Variants in TBC1D5 observed in about 807,000 individuals in gnomAD.
TBC1D5 encodes the protein TBC1 domain family, member 5.
Under a neutral mutation model 100.3 loss-of-function variants are expected in TBC1D5, and 75 were observed. The ratio of observed to expected loss-of-function variants is 0.75; its 90% CI spans 0.62 to 0.91. The LOEUF is 0.91. TBC1D5 is among the 40% of genes least tolerant of loss of function. The pLI, the probability that TBC1D5 is intolerant of heterozygous loss-of-function variation, is 0.00. For missense variants in TBC1D5, 910 were observed against 942.4 expected, an observed-to-expected ratio of 0.97 and a Z score of 0.45; for synonymous variants, 323 against 325.6, an observed-to-expected ratio of 0.99 and a Z score of 0.09.
intron 13 of TBC1D5, among the ~76,000 whole-genome samples, chr3:17,309,505 A>G (rs898989510): frequency 2.0e-5 from 3 of 152,032 alleles, no homozygotes; most frequent in Admixed American, 2.0e-4. Flanking sequence ...TTCAATTTTT[A>G]AAAATGTTAC....
In TBC1D5 at chr3:17,281,061, A is replaced by G. The variant is rs150827892; in HGVS notation, c.1245+10834T>C. 3.6e-3 allele frequency among the ~76,000 whole-genome samples: 554 copies of G among 152,314 alleles called. 1 individual carries two copies. The highest frequency in any genetic ancestry group is 6.3e-3 in the Non-Finnish European group (430 of 68,016). On this transcript the variant is annotated intron_variant, in intron 15 of 21. Transcript: ENST00000253692. ...AGTGGAGTTTGCCTCTGCCGGTGCC[A>G]AAGCAGCCAGCTAGCTCCAGAGAGG...
At chr3:17,599,241 G>A (rs151163173) in intron 2 of TBC1D5, among the ~76,000 whole-genome samples, 11 of 152,004 alleles carry the variant, frequency 7.2e-5, no homozygotes, top group East Asian at 3.9e-4. Context: ...CTGTTTCCCC[G>A]CCCAAATGTT....
intron 1 of TBC1D5, among the ~76,000 whole-genome samples, chr3:17,698,495 T>C (rs1490284610): frequency 6.6e-6 from 1 of 152,100 alleles, no homozygotes; most frequent in Non-Finnish European, 1.5e-5. Context: ...AAGGACTTCA[T>C]GTCTAAAACA....
At chr3:17,475,062 C>A (rs1324327707) in intron 3 of TBC1D5, among the ~76,000 whole-genome samples, 1 of 152,054 alleles carries the variant, frequency 6.6e-6, no homozygotes, top group Non-Finnish European at 1.5e-5. Flanking sequence ...GTCCTTTGGT[C>A]ATTTTTCAAT....
chr3:17,299,086 A>G (rs1009008675), intron 14 of TBC1D5, among the ~76,000 whole-genome samples: 2 of 152,264 alleles, frequency 1.3e-5, no homozygotes, highest in African/African-American at 4.8e-5. Context: ...AAAATATGCC[A>G]GCATCGCTAC....
chr3:17,594,838 G>A (rs1377166826), intron 2 of TBC1D5, among the ~76,000 whole-genome samples: 2 of 151,664 alleles, frequency 1.3e-5, no homozygotes, highest in African/African-American at 2.4e-5. Context: ...AATTGACAAG[G>A]GGTGGACGTG....
At chr3:17,272,589 T>C (rs539408096) in intron 15 of TBC1D5, among the ~76,000 whole-genome samples, 13 of 152,282 alleles carry the variant, frequency 8.5e-5, no homozygotes, top group African/African-American at 3.1e-4. Context: ...TCATTACCAT[T>C]TTATAGGTAA....
chr3:17,674,215 A>G (rs1374457205), intron 1 of TBC1D5, among the ~76,000 whole-genome samples: 5 of 152,262 alleles, frequency 3.3e-5, no homozygotes. Context: ...CCTGCAGCCA[A>G]ATTTCTTTTA....
intron 5 of TBC1D5, among the ~76,000 whole-genome samples, chr3:17,406,134 G>T (rs1357959006): frequency 2.0e-5 from 3 of 152,096 alleles, no homozygotes; most frequent in East Asian, 3.8e-4. Flanking sequence ...TTCTGCAAGA[G>T]CCTCTGGGGA....
At chr3:17,364,645 G>T (rs2091983043) in intron 13 of TBC1D5, among the ~76,000 whole-genome samples, 1 of 152,144 alleles carries the variant, frequency 6.6e-6, no homozygotes, top group South Asian at 2.1e-4. Context: ...TATAAAGCCA[G>T]TCAATAATTT....
intron 4 of TBC1D5, among the ~76,000 whole-genome samples, chr3:17,409,343 A>G (rs992005486): frequency 6.6e-6 from 1 of 152,164 alleles, no homozygotes; most frequent in African/African-American, 2.4e-5. Context: ...ACTTACTGAT[A>G]AATGTTGTAT....
At chr3:17,407,052 T>TAGAAA (rs1242947298) in intron 4 of TBC1D5, among the ~76,000 whole-genome samples, 2 of 152,116 alleles carry the variant, frequency 1.3e-5, no homozygotes, top group Non-Finnish European at 2.9e-5. Context: ...ACATGATCAG[T>TAGAAA]TTTAAAATTT....
intron 1 of TBC1D5, among the ~76,000 whole-genome samples, chr3:17,635,703 A>G (rs570604167): frequency 7.2e-5 from 11 of 152,288 alleles, no homozygotes; most frequent in Non-Finnish European, 1.0e-4. Flanking sequence ...GAGTGTTGAC[A>G]CTATCCTAAT....
At chr3:17,696,038 T>C (rs2072009957) in intron 1 of TBC1D5, among the ~76,000 whole-genome samples, 1 of 152,194 alleles carries the variant, frequency 6.6e-6, no homozygotes, top group African/African-American at 2.4e-5. Context: ...ATAAAGATGT[T>C]CTTTGAAACC....
chr3:17,477,667 C>G (rs1023622090), intron 3 of TBC1D5, among the ~76,000 whole-genome samples: 9 of 151,956 alleles, frequency 5.9e-5, no homozygotes, highest in African/African-American at 2.2e-4. Context: ...TTCATACATA[C>G]TTAATGGCTA....
At chr3:17,483,337 G>A (rs1221389826) in intron 3 of TBC1D5, among the ~76,000 whole-genome samples, 7 of 151,716 alleles carry the variant, frequency 4.6e-5, no homozygotes, top group Non-Finnish European at 4.4e-5. Context: ...GTTCCTAGTA[G>A]ACTAAATTTC....
intron 2 of TBC1D5, among the ~76,000 whole-genome samples, chr3:17,517,271 A>C (rs988653596): frequency 7.9e-5 from 12 of 152,178 alleles, no homozygotes; most frequent in African/African-American, 2.9e-4. Flanking sequence ...TTTTAGCAAG[A>C]CCATCCACTT....
At chr3:17,466,486 T>A (rs552370770) in intron 3 of TBC1D5, among the ~76,000 whole-genome samples, 1 of 152,206 alleles carries the variant, frequency 6.6e-6, no homozygotes, top group African/African-American at 2.4e-5. Flanking sequence ...TCTAAAGCAA[T>A]GTTTAGGCAC....
chr3:17,379,191 T>C (rs1461673045), intron 9 of TBC1D5, among the ~76,000 whole-genome samples: 1 of 152,016 alleles, frequency 6.6e-6, no homozygotes, highest in African/African-American at 2.4e-5. Flanking sequence ...AACATTACAA[T>C]TGTTATTGGC....
Sources: allele counts gnomAD v4.1 joint callset (sites outside exome capture counted in the v4.1 genomes callset), GRCh38; gene constraint gnomAD v4.1.1; transcripts MANE v1.5; gene names NCBI Gene and HGNC (gene_info 2026-07-23, HGNC 2026-07-21).